ANK2: variants seen among roughly 807,000 people sequenced by gnomAD.
The protein encoded by ANK2 is ankyrin-2.
ANK2 carries 83 observed loss-of-function variants against 360.5 expected under a neutral mutation model. The observed-to-expected ratio is 0.23, with a 90% CI of 0.19 to 0.28. The LOEUF (loss-of-function observed/expected upper bound fraction) is 0.28. ANK2 is among the 10% of genes least tolerant of loss of function. The pLI, the probability that ANK2 is intolerant of heterozygous loss-of-function variation, is 1.00. For synonymous variants in ANK2, 1,740 were observed against 1,759.5 expected, an observed-to-expected ratio of 0.99 and a Z score of 0.28; for missense variants, 4,201 against 4,795.7, an observed-to-expected ratio of 0.88 and a Z score of 3.66.
chr4:113,106,757 T>C, intron 1 of ANK2: 1 of 325,676 alleles, frequency 3.1e-6, no homozygotes, highest in Non-Finnish European at 6.1e-6. Context: ...ATGCTTATTC[T>C]GACAAATTTT....
chr4:113,142,332 C>T (rs2096662914), intron 1 of ANK2, among the ~76,000 whole-genome samples: 1 of 152,178 alleles, frequency 6.6e-6, no homozygotes, highest in East Asian at 1.9e-4. Flanking sequence ...AACGTTTTAA[C>T]TTCTGAAATA....
chr4:112,819,215 G>T (rs931096098), intron 1 of ANK2, among the ~76,000 whole-genome samples: 1 of 152,202 alleles, frequency 6.6e-6, no homozygotes, highest in Non-Finnish European at 1.5e-5. Flanking sequence ...GAGATATAAA[G>T]GGGAATTTAG....
In ANK2 at chr4:113,307,464, G is replaced by C. The variant is rs1205451709; in HGVS notation, c.2549-3791G>C. ...GGAGTCTCACTCTGTCGCCCAGGCT[G>C]GAGTGCAGTGGTGTGATCTTAGCTC... On this transcript the variant is annotated intron_variant, in intron 23 of 45. Transcript: ENST00000357077. Among the ~76,000 whole-genome samples the C allele has an allele frequency of 9.0e-5, 13 of 144,366 alleles. No individual in the cohort carries two copies. The East Asian group carries it at 2.2e-3, about 25-fold the overall frequency. 94.7% of individuals were successfully genotyped at this position (144,366 alleles called of 152,430 possible). A position where few individuals can be genotyped will look rare whatever the true frequency, so the allele number is the denominator to read the frequency against.
chr4:113,361,040 G>C (rs1444091320), intron 39 of ANK2, 143 bp downstream of exon 39: 4 of 784,432 alleles, frequency 5.1e-6, no homozygotes, highest in Admixed American at 2.1e-5. Flanking sequence ...AGAAAACCTG[G>C]GCTCTGCATC....
chr4:112,833,101 C>G (rs2149702047), intron 1 of ANK2, among the ~76,000 whole-genome samples: 1 of 152,294 alleles, frequency 6.6e-6, no homozygotes, highest in Non-Finnish European at 1.5e-5. Flanking sequence ...CAGTTTGAAC[C>G]ACAAGAGAAG....
At position 113,211,230 on chromosome 4, in the gene ANK2, C is replaced by A. The variant is rs2099017351; in HGVS notation, c.384+12121C>A. ...AAGGATTCTTGCATCAATGTGAGCA[C>A]AATGTATCGAGCTAATGATAATTTG... is the stretch of plus-strand genomic sequence containing the variant. On this transcript the variant is annotated intron_variant, in intron 4 of 45. Coordinates refer to ENST00000357077, the MANE Select transcript of ANK2 (RefSeq NM_001148.6). Among the ~76,000 whole-genome samples, 3 of 152,188 alleles carry A rather than the reference C, an allele frequency of 2.0e-5. No individual in the cohort carries two copies. In the South Asian group the frequency reaches 6.2e-4, roughly 32 times the overall value.
chr4:113,292,224 T>C (rs941242326), intron 20 of ANK2, among the ~76,000 whole-genome samples, 192 bp from the exon 21 acceptor site: 2 of 152,202 alleles, frequency 1.3e-5, no homozygotes, highest in Admixed American at 1.3e-4. Flanking sequence ...TGGTCTCTTC[T>C]CTTTGCTTAG....
intron 1 of ANK2, among the ~76,000 whole-genome samples, chr4:113,153,755 A>G (rs1381397609): frequency 3.9e-5 from 6 of 152,238 alleles, no homozygotes; most frequent in African/African-American, 1.2e-4. Flanking sequence ...GTGAACTACC[A>G]CATCAGAAGA....
chr4:113,213,374 A>G (rs2099046542), intron 4 of ANK2, among the ~76,000 whole-genome samples: 3 of 152,224 alleles, frequency 2.0e-5, no homozygotes, highest in Admixed American at 2.0e-4. Flanking sequence ...GCTGCTATTT[A>G]AAAGATATCT....
chr4:113,046,785 T>C (rs1272751868), upstream of ANK2, among the ~76,000 whole-genome samples: 1 of 152,166 alleles, frequency 6.6e-6, no homozygotes, highest in African/African-American at 2.4e-5. Flanking sequence ...GACTGTCAAA[T>C]TGAGAAGCCA....
chr4:113,346,101 G>C, intron 35 of ANK2, 79 bp downstream of exon 35: 1 of 1,560,508 alleles, frequency 6.4e-7, no homozygotes, highest in African/African-American at 1.4e-5. Flanking sequence ...CAGTGCAAAA[G>C]TAATGGCAAA....
intron 2 of ANK2, among the ~76,000 whole-genome samples, chr4:112,995,584 G>T (rs1210060805): frequency 2.0e-5 from 3 of 152,132 alleles, no homozygotes; most frequent in Non-Finnish European, 4.4e-5. Flanking sequence ...CTGTGCAGAA[G>T]CTCTTTAGTT....
rs115338998 is a variant in ANK2, at chr4:112,965,951, T to A, written c.21+61437T>A. ...CTGATTTTATAAAATTATAAAATAA[T>A]TTTTTAATAGAAACAAATGTTGCAA... On this transcript the variant is annotated intron_variant, in intron 2 of 30. Transcript: ENST00000503271. Among the ~76,000 whole-genome samples the A allele has an allele frequency of 8.7e-3, 1,325 of 151,856 alleles. 20 individuals carry two copies. Among genetic ancestry groups the A allele is most frequent in the African/African-American group, 0.03 (1,233 of 41,530 alleles).
chr4:113,220,180 G>C (rs971901038), intron 4 of ANK2, among the ~76,000 whole-genome samples: 1 of 152,170 alleles, frequency 6.6e-6, no homozygotes, highest in Non-Finnish European at 1.5e-5. Context: ...CTTTCCAAAA[G>C]AGAATTCGAG....
At chr4:113,103,812 G>A (rs1450866807) in intron 1 of ANK2, among the ~76,000 whole-genome samples, 1 of 152,130 alleles carries the variant, frequency 6.6e-6, no homozygotes, top group Admixed American at 6.6e-5. Context: ...AGTGGAATAT[G>A]TACACACATC....
chr4:112,919,971 A>C (rs2091027934), intron 2 of ANK2, among the ~76,000 whole-genome samples: 1 of 152,134 alleles, frequency 6.6e-6, no homozygotes, highest in South Asian at 2.1e-4. Context: ...ATAATAATTT[A>C]TTATACGTAG....
the ANK2 span, among the ~76,000 whole-genome samples, chr4:112,745,967 C>T: frequency 6.6e-6 from 1 of 152,036 alleles, no homozygotes; most frequent in African/African-American, 2.4e-5. Flanking sequence ...TCCATGAATT[C>T]AGTTGTTTTA....
the ANK2 span, among the ~76,000 whole-genome samples, chr4:112,755,072 A>G: frequency 6.6e-6 from 1 of 152,226 alleles, no homozygotes; most frequent in African/African-American, 2.4e-5. Context: ...GGACCACTGT[A>G]TATGCCTTGT....
At chr4:113,158,116 G>A (rs2097369764) in intron 1 of ANK2, among the ~76,000 whole-genome samples, 1 of 152,120 alleles carries the variant, frequency 6.6e-6, no homozygotes, top group African/African-American at 2.4e-5. Flanking sequence ...AAAAGAAAAA[G>A]CAAGTTTAGA....
Sources: allele counts gnomAD v4.1 joint callset (sites outside exome capture counted in the v4.1 genomes callset), GRCh38; gene constraint gnomAD v4.1.1; transcripts MANE v1.5; gene names NCBI Gene and HGNC (gene_info 2026-07-23, HGNC 2026-07-21).